The following SNX31 variants were observed in gnomAD, a reference collection of about 807,000 sequenced individuals.
SNX31 encodes sorting nexin-31.
Under a neutral mutation model 65.4 loss-of-function variants are expected in SNX31, and 58 were observed. That is an observed-to-expected ratio of 0.89 (90% CI 0.72 to 1.10). SNX31 has a LOEUF of 1.10. Among genes scored for constraint, SNX31 ranks in the 50% least tolerant of loss-of-function variants. The probability of loss-of-function intolerance (pLI) is 0.00; values close to 1 mark genes in which losing one functional copy is unlikely to be tolerated. For synonymous variants in SNX31, 181 were observed against 190.1 expected, an observed-to-expected ratio of 0.95 and a Z score of 0.39; for missense variants, 523 against 529.7, an observed-to-expected ratio of 0.99 and a Z score of 0.12.
chr8:100,643,342 C>G (rs1819400444), intron 2 of SNX31, among the ~76,000 whole-genome samples: 1 of 152,144 alleles, frequency 6.6e-6, no homozygotes, highest in Admixed American at 6.5e-5. Context: ...TTACTGCATT[C>G]ACACCCCCCT....
chr8:100,636,461 G>C (rs192492203), intron 2 of SNX31, among the ~76,000 whole-genome samples: 457 of 152,328 alleles, frequency 3.0e-3, no homozygotes, highest in African/African-American at 0.011. Context: ...GTCACCTGTT[G>C]TGAATGAGCA....
intron 2 of SNX31, among the ~76,000 whole-genome samples, chr8:100,644,594 T>C (rs1014725272): frequency 3.3e-4 from 50 of 152,200 alleles, no homozygotes; most frequent in African/African-American, 1.2e-3. Context: ...CAGGTGAGGA[T>C]GACAGAGGGC....
intron 2 of SNX31, among the ~76,000 whole-genome samples, chr8:100,642,704 T>C (rs1425856682): frequency 6.6e-6 from 1 of 152,224 alleles, no homozygotes; most frequent in Non-Finnish European, 1.5e-5. Context: ...CAGTACACAG[T>C]TGAGCTATCA....
At chr8:100,618,813 A>T (rs1347538434) in intron 4 of SNX31, 1 of 167,926 alleles carries the variant, frequency 6.0e-6, no homozygotes. Flanking sequence ...CCCTCCCAGC[A>T]CCGCCACTTG....
At chr8:100,601,524 A>G (rs1164860834) in intron 8 of SNX31, among the ~76,000 whole-genome samples, 1 of 152,216 alleles carries the variant, frequency 6.6e-6, no homozygotes, top group Non-Finnish European at 1.5e-5. Flanking sequence ...GAGTTAATCA[A>G]TAGTTTATAT....
intron 2 of SNX31, among the ~76,000 whole-genome samples, chr8:100,646,335 G>C (rs745628280): frequency 1.3e-5 from 2 of 152,196 alleles, no homozygotes; most frequent in Non-Finnish European, 2.9e-5. Context: ...ACGGGAAGAA[G>C]AGGAGAGACC....
At chr8:100,647,350 C>T (rs1016557590) in intron 2 of SNX31, among the ~76,000 whole-genome samples, 4 of 151,904 alleles carry the variant, frequency 2.6e-5, no homozygotes, top group Non-Finnish European at 4.4e-5. Flanking sequence ...ATTTAAAGGC[C>T]CCAATAGTAA....
chr8:100,577,414 T>C (rs528168823), intron 12 of SNX31, among the ~76,000 whole-genome samples: 2 of 152,382 alleles, frequency 1.3e-5, no homozygotes, highest in Non-Finnish European at 2.9e-5. Context: ...GCAATCCATA[T>C]GCTGACTCAA....
chr8:100,574,344 G>C (rs921906855), intron 13 of SNX31, among the ~76,000 whole-genome samples: 2 of 152,150 alleles, frequency 1.3e-5, no homozygotes, highest in Non-Finnish European at 2.9e-5. Flanking sequence ...TTAAAAAAGA[G>C]GCTGGGCGGC....
In SNX31 at chr8:100,613,380, G is replaced by A. The variant is rs751149733; in HGVS notation, c.433-295C>T. Among the ~76,000 whole-genome samples the A allele has an allele frequency of 1.2e-4, 18 of 152,198 alleles. No individual in the cohort carries two copies. The highest frequency in any genetic ancestry group is 2.6e-4 in the Non-Finnish European group (18 of 68,034). On this transcript the variant is annotated intron_variant, in intron 5 of 13. Coordinates refer to ENST00000311812, the MANE Select transcript of SNX31 (RefSeq NM_152628.4). This position sits in a 1 kb window ranked among gnomAD's most constrained non-coding sequence, Gnocchi z 5.2. ...TCAGATGTGGACTCACTCCCGGATT[G>A]TCTTGGTCTTTATTTTCCCCTGGAG...
At chr8:100,584,218 T>C (rs368032212) in intron 11 of SNX31, 30 bp from the exon 12 acceptor site, 4 of 1,559,070 alleles carry the variant, frequency 2.6e-6, no homozygotes, top group Middle Eastern at 1.7e-4. Context: ...AGAACTCTTG[T>C]AACCGAAGAA....
intron 10 of SNX31, among the ~76,000 whole-genome samples, chr8:100,591,648 C>G (rs1814599948): frequency 6.6e-6 from 1 of 151,986 alleles, no homozygotes; most frequent in Non-Finnish European, 1.5e-5. Context: ...GCCTGGGAAA[C>G]ATAGCAAGAC....
chr8:100,582,131 G>A (rs958977634), intron 12 of SNX31, among the ~76,000 whole-genome samples: 1 of 152,226 alleles, frequency 6.6e-6, no homozygotes, highest in African/African-American at 2.4e-5. Context: ...TAACCTCAGA[G>A]ATTAATTATG....
intron 12 of SNX31, among the ~76,000 whole-genome samples, chr8:100,581,345 A>ATATCTATATC (rs1813529503): frequency 6.8e-6 from 1 of 146,922 alleles, no homozygotes; most frequent in African/African-American, 2.5e-5. Context: ...ATCTATATAT[A>ATATCTATATC]TATATATATA....
At position 100,629,294 on chromosome 8, in the gene SNX31, A is replaced by T. The variant is rs1409189790; in HGVS notation, c.321+1033T>A. 6.6e-6 allele frequency among the ~76,000 whole-genome samples: 1 copy of T among 152,240 alleles called. No homozygotes were observed. Among genetic ancestry groups the T allele is most frequent in the Non-Finnish European group, 1.5e-5 (1 of 68,040 alleles). On this transcript the variant is annotated intron_variant, in intron 4 of 13. Coordinates refer to ENST00000311812, the MANE Select transcript of SNX31 (RefSeq NM_152628.4). This position sits in a 1 kb window ranked among gnomAD's most constrained non-coding sequence, Gnocchi z 5.1. Reference sequence around the variant, plus strand: ...CTGAGGAGGGGGATCATAAGGGAAGAAAAGTTACTTTTCATTGTATACGCT... The same window carrying T: ...CTGAGGAGGGGGATCATAAGGGAAGTAAAGTTACTTTTCATTGTATACGCT...
intron 5 of SNX31, among the ~76,000 whole-genome samples, chr8:100,617,232 C>G (rs539360750): frequency 9.2e-5 from 14 of 152,206 alleles, no homozygotes; most frequent in African/African-American, 1.9e-4. Context: ...CTGTCACCTG[C>G]ACACCTAGGT....
intron 4 of SNX31, among the ~76,000 whole-genome samples, chr8:100,628,762 A>C (rs1818223962): frequency 6.6e-6 from 1 of 152,044 alleles, no homozygotes; most frequent in African/African-American, 2.4e-5. Context: ...TTTTTTAAAA[A>C]AGCAAGTTGA....
intron 9 of SNX31, 107 bp downstream of exon 9, chr8:100,600,242 C>T (rs765491053): frequency 6.7e-5 from 57 of 853,970 alleles, no homozygotes; most frequent in Non-Finnish European, 1.1e-4. Context: ...AAAAAGAGCC[C>T]CACTTTTAGT....
chr8:100,652,168 C>T (rs557396102), upstream of SNX31, among the ~76,000 whole-genome samples: 20 of 152,010 alleles, frequency 1.3e-4, no homozygotes, highest in African/African-American at 3.4e-4. Context: ...TTAGTAGAGA[C>T]GGGGTTTCAC....
Sources: allele counts gnomAD v4.1 joint callset (sites outside exome capture counted in the v4.1 genomes callset), GRCh38; gene constraint gnomAD v4.1.1; non-coding constraint Gnocchi (gnomAD v3.1); transcripts MANE v1.5; gene names NCBI Gene and HGNC (gene_info 2026-07-23, HGNC 2026-07-21).